Variants in COL5A1 observed in about 807,000 individuals in gnomAD.
COL5A1 encodes collagen alpha-1(V) chain.
Under a neutral mutation model 263.7 loss-of-function variants are expected in COL5A1, and 16 were observed. That is an observed-to-expected ratio of 0.06 (90% confidence interval 0.04 to 0.09). COL5A1 has a LOEUF of 0.09. COL5A1 is among the 10% of genes least tolerant of loss of function. The pLI is 1.00. For synonymous variants in COL5A1, 1,012 were observed against 1,004.5 expected, an observed-to-expected ratio of 1.01 and a Z score of -0.14; for missense variants, 2,036 against 2,540.5, an observed-to-expected ratio of 0.80 and a Z score of 4.27.
chr9:134,767,477 C>T (rs1588526549), intron 24 of COL5A1, 123 bp downstream of exon 24: 18 of 892,216 alleles, frequency 2.0e-5, no homozygotes, highest in South Asian at 4.4e-5. Context: ...TCCCAAGAGA[C>T]GCCAAAGCTC....
At chr9:134,753,687 T>C (rs926465274) in intron 14 of COL5A1, among the ~76,000 whole-genome samples, 163 bp from the exon 15 acceptor site, 1 of 151,960 alleles carries the variant, frequency 6.6e-6, no homozygotes, top group African/African-American at 2.4e-5. Context: ...TCATCGTTCT[T>C]CCCCCCGGTT....
chr9:134,764,716 T>G (rs1588523048), intron 20 of COL5A1, among the ~76,000 whole-genome samples: 3 of 152,138 alleles, frequency 2.0e-5, no homozygotes, highest in Non-Finnish European at 4.4e-5. Context: ...CAGGGGTCGG[T>G]GCCTGCAGAC....
At chr9:134,657,730 C>G (rs75675845) in intron 1 of COL5A1, among the ~76,000 whole-genome samples, 2 of 149,730 alleles carry the variant, frequency 1.3e-5, no homozygotes, top group African/African-American at 4.9e-5. Context: ...GATGAGTTTC[C>G]TTTGCCCGGG....
At chr9:134,809,137 C>T in intron 42 of COL5A1, 46 bp from the exon 43 acceptor site, 1 of 1,485,142 alleles carries the variant, frequency 6.7e-7, no homozygotes, top group Non-Finnish European at 9.2e-7. Context: ...GGGGGATGTT[C>T]CCAGGTTGGA....
chr9:134,645,817 G>C (rs115664619), intron 1 of COL5A1, among the ~76,000 whole-genome samples: 5 of 152,168 alleles, frequency 3.3e-5, no homozygotes, highest in Non-Finnish European at 7.3e-5. Flanking sequence ...AGCTCTCCCC[G>C]GGGAGAAGGC....
intron 37 of COL5A1, among the ~76,000 whole-genome samples, chr9:134,798,834 G>T (rs573647351): frequency 1.3e-5 from 2 of 152,360 alleles, no homozygotes; most frequent in Admixed American, 1.3e-4. Context: ...AATGCTGAGT[G>T]CTACCCCGCT....
chr9:134,822,876 T>A, intron 59 of COL5A1, 122 bp from the exon 60 acceptor site: 1 of 1,113,162 alleles, frequency 9.0e-7, no homozygotes, highest in Non-Finnish European at 1.3e-6. Context: ...AAGCATAGAC[T>A]CTTGAGGGGG....
intron 25 of COL5A1, among the ~76,000 whole-genome samples, chr9:134,770,619 C>T (rs1331244803): frequency 6.6e-6 from 1 of 152,254 alleles, no homozygotes; most frequent in Non-Finnish European, 1.5e-5. Context: ...GCCACAGCCA[C>T]TCCGAGTGGT....
intron 19 of COL5A1, among the ~76,000 whole-genome samples, chr9:134,762,868 C>CGTGTGT (rs36058752): frequency 6.7e-6 from 1 of 149,712 alleles, no homozygotes; most frequent in African/African-American, 2.4e-5. Context: ...ATTGAGAGGA[C>CGTGTGT]GTGTGTGTGT....
chr9:134,782,624 G>A (rs769966106), intron 28 of COL5A1, 43 bp from the exon 29 acceptor site: 5 of 1,596,744 alleles, frequency 3.1e-6, no homozygotes, highest in South Asian at 2.2e-5. Flanking sequence ...AGGGAGGCGG[G>A]TCCTCTTGCC....
chr9:134,688,615 G>T (rs925652097), intron 1 of COL5A1, among the ~76,000 whole-genome samples: 3 of 152,208 alleles, frequency 2.0e-5, no homozygotes, highest in African/African-American at 7.2e-5. Flanking sequence ...CTTGGCAGCC[G>T]AAAGCCACCC....
At chr9:134,666,621 C>G (rs768040735) in intron 1 of COL5A1, among the ~76,000 whole-genome samples, 1 of 152,190 alleles carries the variant, frequency 6.6e-6, no homozygotes, top group Non-Finnish European at 1.5e-5. Flanking sequence ...CTTTGCCTCT[C>G]TTGTTTGGCC....
At chr9:134,791,155 A>G (rs1158548258) in intron 32 of COL5A1, among the ~76,000 whole-genome samples, 2 of 152,214 alleles carry the variant, frequency 1.3e-5, no homozygotes. Flanking sequence ...CAGGCACCAC[A>G]TGCCCCAGTC....
chr9:134,716,385 G>A lies in COL5A1; in HGVS notation c.655-10881G>A, dbSNP rs190594769. ...CTTCCTTCTGGGGAGCCTGGACCGA[G>A]TGAACATCCCCTGTGCTCAGCGATG... On this transcript the variant is annotated intron_variant, in intron 4 of 65. Coordinates refer to ENST00000371817, the MANE Select transcript of COL5A1 (RefSeq NM_000093.5). The surrounding 1 kb of genome is among the most constrained non-coding windows in gnomAD (Gnocchi z 4.5). 2.2e-4 allele frequency among the ~76,000 whole-genome samples: 33 copies of A among 152,324 alleles called. No individual in the cohort carries two copies. The highest frequency in any genetic ancestry group is 7.9e-4 in the African/African-American group (33 of 41,570).
rs1171554039 is a variant in COL5A1, at chr9:134,795,080, A to C, written c.2701-2A>C. The C allele has an allele frequency of 6.2e-7, 1 of 1,613,936 alleles. No homozygotes were observed. Among genetic ancestry groups the C allele is most frequent in the Non-Finnish European group, 8.5e-7 (1 of 1,179,964 alleles). Reference sequence around the variant, plus strand: ...ACTGACCAGCCCCTTCTCTGATTCTAGGGGACCCCTGGAAAGCCAGGACCG... The same window carrying C: ...ACTGACCAGCCCCTTCTCTGATTCTCGGGGACCCCTGGAAAGCCAGGACCG... On this transcript the variant is annotated splice_acceptor_variant, in intron 32 of 65. Coordinates refer to ENST00000371817, the MANE Select transcript of COL5A1 (RefSeq NM_000093.5). LOFTEE classifies it high-confidence loss of function.
At chr9:134,761,735 A>G (rs1156268767) in intron 18 of COL5A1, among the ~76,000 whole-genome samples, 190 bp from the exon 19 acceptor site, 1 of 152,200 alleles carries the variant, frequency 6.6e-6, no homozygotes, top group Non-Finnish European at 1.5e-5. Flanking sequence ...GACTCAGGTG[A>G]GAGTCTGCAG....
chr9:134,817,336 C>A (rs11103537), intron 53 of COL5A1, among the ~76,000 whole-genome samples: 4 of 152,102 alleles, frequency 2.6e-5, no homozygotes, highest in Non-Finnish European at 5.9e-5. Context: ...GAAAGACACC[C>A]GCAAAGCTGC....
chr9:134,833,481 C>T (rs940461065), intron 64 of COL5A1, among the ~76,000 whole-genome samples: 4 of 152,204 alleles, frequency 2.6e-5, no homozygotes, highest in African/African-American at 9.7e-5. Flanking sequence ...CCGGGCTGAC[C>T]TTTGGCACAG....
chr9:134,809,571 C>T (rs1838435570), intron 43 of COL5A1, among the ~76,000 whole-genome samples: 1 of 152,242 alleles, frequency 6.6e-6, no homozygotes, highest in African/African-American at 2.4e-5. Flanking sequence ...GTAGCCACAG[C>T]AGAGAAAAAT....
Sources: gnomAD v4.1 joint callset for allele counts (sites outside exome capture counted in the v4.1 genomes callset) on GRCh38, gnomAD v4.1.1 for gene constraint, Gnocchi (gnomAD v3.1) non-coding constraint, MANE v1.5 for transcripts, NCBI Gene and HGNC (gene_info 2026-07-23, HGNC 2026-07-21) for gene names.